The following DCPS variants were observed in gnomAD, a reference collection of about 807,000 sequenced individuals.
DCPS encodes decapping enzyme, scavenger.
DCPS carries 27 observed loss-of-function variants against 34.7 expected under a neutral mutation model. The ratio of observed to expected loss-of-function variants is 0.78; its 90% CI spans 0.57 to 1.07. The LOEUF (loss-of-function observed/expected upper bound fraction) is 1.07, where lower values mean the gene tolerates loss of function less well. Ranked by LOEUF, DCPS falls within the 50% of genes least tolerant of loss-of-function variation. DCPS has a pLI of 0.00. For synonymous variants in DCPS, 185 were observed against 185.7 expected (o/e 1.00, Z 0.03); for missense variants, 464 against 436.9 (o/e 1.06, Z -0.55).
At chr11:126,308,716 A>C in intron 2 of DCPS, among the ~76,000 whole-genome samples, 1 of 152,018 alleles carries the variant, frequency 6.6e-6, no homozygotes, top group Non-Finnish European at 1.5e-5. Flanking sequence ...ACCTTCCGAA[A>C]TCCCTCTACC....
intron 1 of DCPS, among the ~76,000 whole-genome samples, chr11:126,304,926 C>T (rs953026052): frequency 8.5e-5 from 13 of 152,084 alleles, no homozygotes; most frequent in Non-Finnish European, 1.5e-4. Context: ...ATTCCAGGAA[C>T]TAGTGAGGAG....
At position 126,348,107 on chromosome 11, in the gene DCPS, AAGAG is replaced by A. The variant is rs1411159547; in HGVS notation, c.*2498_*2501del. Among the ~76,000 whole-genome samples, 1 of 152,162 alleles carries A rather than the reference AAGAG, an allele frequency of 6.6e-6. No individual in the cohort carries two copies. The highest frequency in any genetic ancestry group is 1.5e-5 in the Non-Finnish European group (1 of 68,034). On this transcript the variant is annotated 3_prime_UTR_variant, in exon 6 of 6. Coordinates refer to ENST00000263579, the MANE Select transcript of DCPS (RefSeq NM_014026.6). This position sits in a 1 kb window ranked among gnomAD's most constrained non-coding sequence, Gnocchi z 5.3. ...CCGGATAAATAAATGTTTGAGGGGCAAGAGAGATGGGACAGAGTTCACCCAACAG... is the reference window on the plus strand; with the variant it reads ...CCGGATAAATAAATGTTTGAGGGGCAAGATGGGACAGAGTTCACCCAACAG...
rs562091171 is a variant in DCPS, at chr11:126,331,768, A to G, written c.522+218A>G. 1.3e-5 allele frequency among the ~76,000 whole-genome samples: 2 copies of G among 152,314 alleles called. No individual in the cohort carries two copies. Among genetic ancestry groups the G allele is most frequent in the South Asian group, 2.1e-4 (1 of 4,824 alleles). On this transcript the variant is annotated intron_variant, in intron 3 of 5. Transcript: ENST00000263579. The surrounding 1 kb of genome is among the most constrained non-coding windows in gnomAD (Gnocchi z 7.2). ...ACCATACACAGATATCTCAGGATCTATGTGCTCTGTGAGATAATGAGGGCT... is the reference window on the plus strand; with the variant it reads ...ACCATACACAGATATCTCAGGATCTGTGTGCTCTGTGAGATAATGAGGGCT...
At chr11:126,318,440 G>A (rs571081454) in intron 2 of DCPS, among the ~76,000 whole-genome samples, 13 of 152,224 alleles carry the variant, frequency 8.5e-5, no homozygotes, top group African/African-American at 1.9e-4. Flanking sequence ...TGGTCTCCCC[G>A]TTACCATGCA....
rs1473234680 is a variant in DCPS at position 126,332,775 on chromosome 11, T to C, written c.522+1225T>C. Among the ~76,000 whole-genome samples, 1 of 152,172 alleles carries C rather than the reference T, an allele frequency of 6.6e-6. No homozygotes were observed. The highest frequency in any genetic ancestry group is 1.5e-5 in the Non-Finnish European group (1 of 68,018). On this transcript the variant is annotated intron_variant, in intron 3 of 5. Transcript: ENST00000263579. The surrounding 1 kb of genome is among the most constrained non-coding windows in gnomAD (Gnocchi z 5.4). ...GCTCAAGCTGACTTGTTTGTTGTTG[T>C]TGTTGTTGTTTGTTTGTTTGTTTTT...
At chr11:126,330,200 C>T (rs890889582) in intron 2 of DCPS, among the ~76,000 whole-genome samples, 1 of 140,556 alleles carries the variant, frequency 7.1e-6, no homozygotes, top group Non-Finnish European at 1.6e-5. Flanking sequence ...TCAGGGGACA[C>T]ATTGGCAATG....
chr11:126,318,042 G>A (rs1321990302), intron 2 of DCPS, among the ~76,000 whole-genome samples: 2 of 152,128 alleles, frequency 1.3e-5, no homozygotes, highest in African/African-American at 4.8e-5. Context: ...CGGTCCTGTT[G>A]CCTCCCTACC....
chr11:126,319,480 C>T lies in DCPS; in HGVS notation c.377-11925C>T, dbSNP rs1487024784. On this transcript the variant is annotated intron_variant, in intron 2 of 5. Coordinates refer to ENST00000263579, the MANE Select transcript of DCPS (RefSeq NM_014026.6). The surrounding 1 kb of genome is among the most constrained non-coding windows in gnomAD (Gnocchi z 4.5). ...GTATCCCCTGGTAAGGCTGTCCTCA[C>T]ACGGCTCTCCAGAGCTCAGGGGAGT... Among the ~76,000 whole-genome samples, 1 of 152,140 alleles carries T rather than the reference C, an allele frequency of 6.6e-6. No individual in the cohort carries two copies. Among genetic ancestry groups the T allele is most frequent in the African/African-American group, 2.4e-5 (1 of 41,428 alleles).
Position 126,339,791 on chromosome 11 carries a change from T to C in DCPS, c.636+1392T>C, listed in dbSNP as rs566341699. Among the ~76,000 whole-genome samples the C allele has an allele frequency of 1.8e-3, 275 of 152,196 alleles. 1 individual carries two copies. The highest frequency in any genetic ancestry group is 2.0e-3 in the Non-Finnish European group (139 of 68,032). ...TGTAGGCATTTGAAGAGGTAGGACC[T>C]GATGGTCCCTTGTCTCAAACTGAGT... On this transcript the variant is annotated intron_variant, in intron 4 of 5. Coordinates refer to ENST00000263579, the MANE Select transcript of DCPS (RefSeq NM_014026.6).
rs1951907604 is a variant in DCPS at position 126,345,103 on chromosome 11, A to G, written c.748-244A>G. 6.6e-6 allele frequency among the ~76,000 whole-genome samples: 1 copy of G among 152,230 alleles called. No individual in the cohort carries two copies. The highest frequency in any genetic ancestry group is 1.5e-5 in the Non-Finnish European group (1 of 68,042). ...ACGTTGGGGTGGGGAATGCTGATTG[A>G]GGCCGCTCCCCACTTCTTTTGGGAG... On this transcript the variant is annotated intron_variant, in intron 5 of 5. Coordinates refer to ENST00000263579, the MANE Select transcript of DCPS (RefSeq NM_014026.6). This position sits in a 1 kb window ranked among gnomAD's most constrained non-coding sequence, Gnocchi z 7.4.
At chr11:126,314,220 G>A (rs1951640833) in intron 2 of DCPS, among the ~76,000 whole-genome samples, 1 of 152,198 alleles carries the variant, frequency 6.6e-6, no homozygotes, top group African/African-American at 2.4e-5. Context: ...TCCTGCCTTA[G>A]TTGGCTTAGG....
rs769020919 is a variant in DCPS at position 126,347,015 on chromosome 11, G to A, written c.*1402G>A. Among the ~76,000 whole-genome samples, 60 of 151,968 alleles carry A rather than the reference G, an allele frequency of 3.9e-4. No individual in the cohort carries two copies. Among genetic ancestry groups the A allele is most frequent in the Non-Finnish European group, 6.6e-4 (45 of 67,968 alleles). On this transcript the variant is annotated 3_prime_UTR_variant, in exon 6 of 6. Transcript: ENST00000263579. This position sits in a 1 kb window ranked among gnomAD's most constrained non-coding sequence, Gnocchi z 4.2. ...TGAAGCAGGAGAATCCCTTGAACCC[G>A]GGAGGCGGAGGTTGCCGTGAGCCAC...
At position 126,333,865 on chromosome 11, in the gene DCPS, TTC is replaced by T. The variant is rs112209917; in HGVS notation, c.522+2341_522+2342del. ...ACGCTTCAGGGAGTGGAGCTGGGAA[TTC>T]TCTCTCTCTCTCTCTCTCTCTCTCT... is the stretch of plus-strand genomic sequence containing the variant. On this transcript the variant is annotated intron_variant, in intron 3 of 5. Coordinates refer to ENST00000263579, the MANE Select transcript of DCPS (RefSeq NM_014026.6). This position sits in a 1 kb window ranked among gnomAD's most constrained non-coding sequence, Gnocchi z 5.7. 5.4e-3 allele frequency among the ~76,000 whole-genome samples: 800 copies of T among 148,088 alleles called. No homozygotes were observed. The highest frequency in any genetic ancestry group is 7.2e-3 in the Non-Finnish European group (478 of 66,762).
chr11:126,311,928 T>G (rs1951620736), intron 2 of DCPS, among the ~76,000 whole-genome samples: 1 of 152,118 alleles, frequency 6.6e-6, no homozygotes, highest in Non-Finnish European at 1.5e-5. Flanking sequence ...TTTATTGAGT[T>G]AGTTAGTTAG....
chr11:126,347,376 C>G lies in DCPS; in HGVS notation c.*1763C>G, dbSNP rs1038238988. 1.3e-5 allele frequency among the ~76,000 whole-genome samples: 2 copies of G among 152,108 alleles called. No homozygotes were observed. Among genetic ancestry groups the G allele is most frequent in the East Asian group, 3.9e-4 (2 of 5,126 alleles). ...GTAGCTGGGACTACAGGGGTGCGCC[C>G]CCATGCCCAGCTAATTTTTGTATTT... On this transcript the variant is annotated 3_prime_UTR_variant, in exon 6 of 6. Transcript: ENST00000263579. The surrounding 1 kb of genome is among the most constrained non-coding windows in gnomAD (Gnocchi z 4.2).
chr11:126,310,210 C>T (rs1430854306), intron 2 of DCPS, among the ~76,000 whole-genome samples: 1 of 152,222 alleles, frequency 6.6e-6, no homozygotes, highest in Non-Finnish European at 1.5e-5. Flanking sequence ...AAAACACCAT[C>T]TGTATGCCGG....
In DCPS at chr11:126,327,383, G is replaced by C. The variant is rs541569254; in HGVS notation, c.377-4022G>C. On this transcript the variant is annotated intron_variant, in intron 2 of 5. Coordinates refer to ENST00000263579, the MANE Select transcript of DCPS (RefSeq NM_014026.6). This position sits in a 1 kb window ranked among gnomAD's most constrained non-coding sequence, Gnocchi z 4.1. ...TGATCAGGAGGCACATGATGTCGGC[G>C]TGCCCAGCAGGGGTGACGGTGACGC... 6.6e-6 allele frequency among the ~76,000 whole-genome samples: 1 copy of C among 152,228 alleles called. No individual in the cohort carries two copies.
chr11:126,317,734 A>G (rs552307812), intron 2 of DCPS, among the ~76,000 whole-genome samples: 4 of 152,232 alleles, frequency 2.6e-5, no homozygotes, highest in African/African-American at 4.8e-5. Context: ...TACAGCTTTT[A>G]TTGTGGTCTG....
rs1951544260 is a variant in DCPS, at chr11:126,304,230, G to T, written c.150G>T (p.Gln50His). 6.2e-7 allele frequency: 1 copy of T among 1,614,142 alleles called. No homozygotes were observed. The highest frequency in any genetic ancestry group is 1.3e-5 in the African/African-American group (1 of 74,944). ...VRLPFSGFRL[Q>H]KVLRESARDK... is the part of the protein sequence containing the mutation. ...TACCGTTCTCCGGCTTCAGACTGCA[G>T]AAGGTGCTGAGGGAGTCTGCGCGGG... is the stretch of plus-strand genomic sequence containing the variant. Residue 50 changes from glutamine (Q) to histidine (H), a missense_variant, in exon 1 of 6, where the codon CAG (glutamine) becomes CAT (histidine). Gln to His is a conservative substitution (Grantham distance 24). Coordinates refer to ENST00000263579, the MANE Select transcript of DCPS (RefSeq NM_014026.6).
Sources: allele counts gnomAD v4.1 joint callset (sites outside exome capture counted in the v4.1 genomes callset), GRCh38; gene constraint gnomAD v4.1.1; non-coding constraint Gnocchi (gnomAD v3.1); transcripts MANE v1.5; gene names NCBI Gene and HGNC (gene_info 2026-07-23, HGNC 2026-07-21).